Variants in ZNF25 observed in about 807,000 individuals in gnomAD.
ZNF25 encodes the protein zinc finger protein 25 (KOX 19).
Under a neutral mutation model 30.9 loss-of-function variants are expected in ZNF25, and 21 were observed. The ratio of observed to expected loss-of-function variants is 0.68; its 90% confidence interval spans 0.48 to 0.98. The LOEUF is 0.98. Among genes scored for constraint, ZNF25 ranks in the 50% least tolerant of loss-of-function variants. ZNF25 has a pLI of 0.00. For missense variants in ZNF25, 501 were observed against 529.9 expected, an observed-to-expected ratio of 0.95 and a Z score of 0.54; for synonymous variants, 169 against 181.3, an observed-to-expected ratio of 0.93 and a Z score of 0.55.
At chr10:37,971,843 A>T in intron 1 of ZNF25, 36 bp from the exon 2 acceptor site, 2 of 1,386,024 alleles carry the variant, frequency 1.4e-6, no homozygotes, top group South Asian at 1.2e-5. Context: ...TTAGTAAAAT[A>T]TATACCTTTG....
At chr10:37,976,438 G>C (rs964540608) in intron 1 of ZNF25, 68 bp downstream of exon 1, 1 of 152,274 alleles carries the variant, frequency 6.6e-6, no homozygotes, top group South Asian at 2.1e-4. Flanking sequence ...TCCGGGGCCA[G>C]GAGGCGGCTT....
intron 4 of ZNF25, among the ~76,000 whole-genome samples, chr10:37,955,792 C>T (rs1590199650): frequency 6.6e-6 from 1 of 152,104 alleles, no homozygotes; most frequent in Non-Finnish European, 1.5e-5. Flanking sequence ...ATTCTCATGC[C>T]TAAGCCTCAG....
chr10:37,974,914 A>G (rs2063716509), intron 1 of ZNF25, among the ~76,000 whole-genome samples: 1 of 152,218 alleles, frequency 6.6e-6, no homozygotes, highest in South Asian at 2.1e-4. Context: ...TATATACACA[A>G]TGGAATATTA....
intron 2 of ZNF25, among the ~76,000 whole-genome samples, chr10:37,960,630 A>AAC (rs1395042183): frequency 1.4e-5 from 2 of 148,106 alleles, no homozygotes; most frequent in Admixed American, 1.3e-4. Context: ...TCTCAAAAAA[A>AAC]AAAAAAAAAA....
chr10:37,952,804 A>T lies in ZNF25; in HGVS notation c.694T>A (p.Cys232Ser), dbSNP rs1447452297. 1.9e-6 allele frequency: 3 copies of T among 1,614,130 alleles called. No homozygotes were observed. The highest frequency in any genetic ancestry group is 2.5e-6 in the Non-Finnish European group (3 of 1,180,012). The change falls in exon 6 of 6, where the codon TGT becomes AGT. Residue 232 changes from cysteine to serine, a missense_variant. Transcript: ENST00000302609. The stretch of plus-strand genomic sequence containing the variant: ...TAGAAGAACTTCCCACATTCAGTAC[A>T]TTCAAAAGGTTTCTCCCCTGTGTGT... Reference protein sequence around the residue: ...KTHTGEKPFECTECGKFFYVK... With the variant: ...KTHTGEKPFESTECGKFFYVK...
rs568658755 is a variant in ZNF25, at chr10:37,963,012, G to A, written c.16-5466C>T. ...TCCCTCCACTGAGGCAACCATTAAA[G>A]CTGACAAAAACTGATAGAATCAAAC... is the stretch of plus-strand genomic sequence containing the variant. On this transcript the variant is annotated intron_variant, in intron 2 of 5. Transcript: ENST00000302609. Among the ~76,000 whole-genome samples the A allele has an allele frequency of 5.3e-5, 8 of 151,626 alleles. No homozygotes were observed. In the South Asian group the frequency reaches 1.7e-3, roughly 32 times the overall value.
At chr10:37,964,639 C>T (rs2063083218) in intron 2 of ZNF25, among the ~76,000 whole-genome samples, 1 of 152,164 alleles carries the variant, frequency 6.6e-6, no homozygotes, top group South Asian at 2.1e-4. Flanking sequence ...GGCCTGACTG[C>T]TCCTAATAGC....
intron 1 of ZNF25, among the ~76,000 whole-genome samples, chr10:37,974,134 G>A (rs2063662015): frequency 6.6e-6 from 1 of 152,154 alleles, no homozygotes; most frequent in Non-Finnish European, 1.5e-5. Context: ...AATGATAGTG[G>A]ATTAAAGAGT....
chr10:37,971,955 G>T, intron 1 of ZNF25, 148 bp from the exon 2 acceptor site: 4 of 547,588 alleles, frequency 7.3e-6, no homozygotes, highest in Non-Finnish European at 9.7e-6. Flanking sequence ...GATGAGCCTG[G>T]GACATTTTTT....
chr10:37,956,868 TG>T (rs1296489911), intron 4 of ZNF25, 151 bp downstream of exon 4: 1 of 602,156 alleles, frequency 1.7e-6, no homozygotes, highest in Non-Finnish European at 2.8e-6. Flanking sequence ...TGAGCTGAGA[TG>T]GCAACATTGG....
chr10:37,955,803 CCTCCCGAATAGCTGGGACTACA>C (rs1488651407), intron 4 of ZNF25, among the ~76,000 whole-genome samples: 1 of 152,120 alleles, frequency 6.6e-6, no homozygotes, highest in African/African-American at 2.4e-5. Flanking sequence ...TAAGCCTCAG[CCTCCCGAATAGCTGGGACTACA>C]GGTGTGCACC....
At chr10:37,958,684 G>T (rs2135339695) in intron 2 of ZNF25, among the ~76,000 whole-genome samples, 1 of 152,172 alleles carries the variant, frequency 6.6e-6, no homozygotes, top group East Asian at 1.9e-4. Flanking sequence ...ACTTGAGAGG[G>T]TGATATGAGA....
intron 1 of ZNF25, among the ~76,000 whole-genome samples, chr10:37,975,656 T>A (rs925547879): frequency 1.8e-4 from 27 of 152,214 alleles, no homozygotes; most frequent in Admixed American, 2.0e-4. Context: ...ATTTACACGT[T>A]TCACAGTCCT....
In ZNF25 at chr10:37,952,959, T is replaced by C; in HGVS notation, c.539A>G (p.Lys180Arg). 1.9e-6 allele frequency: 3 copies of C among 1,614,176 alleles called. No homozygotes were observed. The highest frequency in any genetic ancestry group is 2.5e-6 in the Non-Finnish European group (3 of 1,180,012). The change falls in exon 6 of 6, where the codon AAG becomes AGG. Residue 180 changes from lysine (K) to arginine (R), a missense_variant. By Grantham distance (26) the Lys-to-Arg change is conservative. Coordinates refer to ENST00000302609, the MANE Select transcript of ZNF25 (RefSeq NM_145011.4). ...RDKTYECKEC[K>R]KIFYHLSSLS... ...AGATGATAGGTGGTAAAATATTTTC[T>C]TACATTCTTTACACTCATAGGTTTT... is the stretch of plus-strand genomic sequence containing the variant.
intron 2 of ZNF25, among the ~76,000 whole-genome samples, chr10:37,968,304 C>A (rs1250932013): frequency 6.6e-6 from 1 of 152,068 alleles, no homozygotes; most frequent in Admixed American, 6.5e-5. Context: ...GATCCGCCTG[C>A]CTCAGCCTCC....
chr10:37,968,230 G>A (rs1258810451), intron 2 of ZNF25, among the ~76,000 whole-genome samples: 1 of 151,852 alleles, frequency 6.6e-6, no homozygotes, highest in African/African-American at 2.4e-5. Context: ...ACTGATTTTT[G>A]TATTTTTAAC....
intron 2 of ZNF25, among the ~76,000 whole-genome samples, chr10:37,965,094 GT>G (rs2063108228): frequency 6.6e-6 from 1 of 152,196 alleles, no homozygotes; most frequent in Non-Finnish European, 1.5e-5. Context: ...TCTATCTAGT[GT>G]TAAGTCTGCA....
intron 4 of ZNF25, among the ~76,000 whole-genome samples, chr10:37,956,096 G>C (rs1462822580): frequency 6.6e-6 from 1 of 152,194 alleles, no homozygotes; most frequent in Non-Finnish European, 1.5e-5. Context: ...TAGAAAATAC[G>C]TGACAAACAT....
intron 2 of ZNF25, among the ~76,000 whole-genome samples, chr10:37,965,180 G>A (rs893365779): frequency 8.5e-5 from 13 of 152,082 alleles, no homozygotes; most frequent in East Asian, 3.9e-4. Context: ...GGAAAGCCTT[G>A]GTGTCCAGGC....
Sources: allele counts gnomAD v4.1 joint callset (sites outside exome capture counted in the v4.1 genomes callset), GRCh38; gene constraint gnomAD v4.1.1; transcripts MANE v1.5; gene names NCBI Gene and HGNC (gene_info 2026-07-23, HGNC 2026-07-21).